The following TIMM23 variants were observed in gnomAD, a reference collection of about 807,000 sequenced individuals.
TIMM23 encodes the protein translocase of inner mitochondrial membrane 23.
TIMM23 carries 19 observed loss-of-function variants against 30.7 expected under a neutral mutation model. The ratio of observed to expected loss-of-function variants is 0.62; its 90% confidence interval spans 0.43 to 0.91. The LOEUF is 0.91. TIMM23 is among the 40% of genes least tolerant of loss of function. The pLI, the probability that TIMM23 is intolerant of heterozygous loss-of-function variation, is 0.00. For missense variants in TIMM23, 202 were observed against 269.2 expected (o/e 0.75, Z 1.75); for synonymous variants, 78 against 98.5 (o/e 0.79, Z 1.23).
At chr10:46,002,560 A>G (rs561060232) in intron 6 of TIMM23, 1 of 924,568 alleles carries the variant, frequency 1.1e-6, no homozygotes, top group East Asian at 1.2e-4. Context: ...CCTTGTTTAC[A>G]TTACAGACTT....
intron 6 of TIMM23, chr10:45,998,395 G>A: frequency 1.6e-5 from 16 of 985,188 alleles, no homozygotes; most frequent in Non-Finnish European, 1.9e-5. Context: ...AATACAGGAG[G>A]TAAAACTGAA....
intron 2 of TIMM23, among the ~76,000 whole-genome samples, chr10:45,981,236 G>T (rs1837835117): frequency 8.0e-6 from 1 of 124,952 alleles, no homozygotes; most frequent in African/African-American, 3.1e-5. Flanking sequence ...ACCGTGCCTG[G>T]CCAAGTTTTC....
rs1312489587 is a variant in TIMM23 at position 45,993,930 on chromosome 10, T to G, written c.514+5083T>G. On this transcript the variant is annotated intron_variant, in intron 6 of 6. Transcript: ENST00000580018. ...ATGAAATGAAGAAATAAATGAAATA[T>G]TGAAATGAATAATAAAATTCCGGGT... is the stretch of plus-strand genomic sequence containing the variant. 3.0e-3 allele frequency among the ~76,000 whole-genome samples: 449 copies of G among 147,890 alleles called. 2 individuals carry two copies. The highest frequency in any genetic ancestry group is 3.5e-3 in the Non-Finnish European group (236 of 66,756).
chr10:45,972,782 A>C lies in TIMM23; in HGVS notation c.106+52A>C, dbSNP rs1837533052. 7 of 1,604,156 alleles carry C rather than the reference A, an allele frequency of 4.4e-6. No homozygotes were observed. The East Asian group carries it at 6.7e-5, about 15-fold the overall frequency. On this transcript the variant is annotated intron_variant, in intron 1 of 6. Transcript: ENST00000580018. ...ATTTCTGACTGGTTTTTGCGTCTAC[A>C]CTAAGTTGCGCGTCCCATGTTTTAT...
At chr10:45,993,291 AC>A (rs1554916162) in intron 6 of TIMM23, among the ~76,000 whole-genome samples, 1 of 142,194 alleles carries the variant, frequency 7.0e-6, no homozygotes. Flanking sequence ...CGTTGGCCAG[AC>A]TGGAGTGCAA....
At chr10:45,976,154 T>G (rs1413269974) in intron 2 of TIMM23, among the ~76,000 whole-genome samples, 2 of 152,110 alleles carry the variant, frequency 1.3e-5, no homozygotes, top group African/African-American at 4.8e-5. Flanking sequence ...CTTGGGTATA[T>G]TAGAAAAGCA....
At chr10:46,003,079 A>G (rs1838600626) in intron 6 of TIMM23, 124 bp from the exon 7 acceptor site, 3 of 687,016 alleles carry the variant, frequency 4.4e-6, no homozygotes, top group Non-Finnish European at 7.4e-6. Context: ...GGCCTCCCGA[A>G]GTGCTGGGAT....
intron 6 of TIMM23, among the ~76,000 whole-genome samples, chr10:45,993,035 C>A (rs1331501919): frequency 1.3e-5 from 2 of 152,170 alleles, no homozygotes; most frequent in Non-Finnish European, 2.9e-5. Flanking sequence ...GCTGCATCAT[C>A]TGTCCATCTT....
rs868912044 is a variant in TIMM23, at chr10:45,992,998, C to T, written c.514+4151C>T. On this transcript the variant is annotated intron_variant, in intron 6 of 6. Coordinates refer to ENST00000580018, the MANE Select transcript of TIMM23 (RefSeq NM_006327.4). ...TTCTTGCCGTTACCATTTCCTAGAACAATCCTTCCAGATACCTACCTCAAA... is the reference window on the plus strand; with the variant it reads ...TTCTTGCCGTTACCATTTCCTAGAATAATCCTTCCAGATACCTACCTCAAA... Among the ~76,000 whole-genome samples the T allele has an allele frequency of 5.3e-3, 800 of 152,270 alleles. 4 individuals are homozygous for T. The highest frequency in any genetic ancestry group is 0.01 in the Middle Eastern group (3 of 294).
Position 45,982,929 on chromosome 10 carries a change from C to T in TIMM23, c.343C>T (p.Gln115Ter). 1.9e-6 allele frequency: 3 copies of T among 1,613,904 alleles called. No individual in the cohort carries two copies. Among genetic ancestry groups the T allele is most frequent in the Non-Finnish European group, 2.5e-6 (3 of 1,179,852 alleles). Residue 115 changes from glutamine to a stop codon, truncating the protein, a stop_gained and splice_region_variant, in exon 4 of 7, where the codon CAG becomes TAG. Transcript: ENST00000580018. LOFTEE classifies it high-confidence loss of function. The part of the protein sequence containing the change: ...NMAWSKPRNV[Q>*]ILNMVTRQGA... ...GGCCTGGTCCAAACCAAGAAATGTA[C>T]AGTAAGTCTCTTGTAACCATCTGAT...
chr10:45,972,532 C>A lies in TIMM23; in HGVS notation c.-93C>A, dbSNP rs1402006206. 1 of 1,491,926 alleles carries A rather than the reference C, an allele frequency of 6.7e-7. No individual in the cohort carries two copies. The allele number at this position is 1,491,926 out of a possible 1,614,324, so 92.4% of individuals were successfully genotyped here. On this transcript the variant is annotated 5_prime_UTR_variant, in exon 1 of 7. Coordinates refer to ENST00000580018, the MANE Select transcript of TIMM23 (RefSeq NM_006327.4). Reference sequence around the variant, plus strand: ...CAGCGTGTGAAGTAGGCGCTGGCAACGCGGGGTTACCCGCTGTTATTGAGG... The same window carrying A: ...CAGCGTGTGAAGTAGGCGCTGGCAAAGCGGGGTTACCCGCTGTTATTGAGG...
At chr10:45,991,957 T>A (rs1838176281) in intron 6 of TIMM23, among the ~76,000 whole-genome samples, 1 of 151,810 alleles carries the variant, frequency 6.6e-6, no homozygotes, top group African/African-American at 2.4e-5. Context: ...CTAAACTCAC[T>A]AAAATGTTTC....
At chr10:45,983,617 T>C (rs1414774557) in intron 4 of TIMM23, among the ~76,000 whole-genome samples, 2 of 152,220 alleles carry the variant, frequency 1.3e-5, no homozygotes, top group Admixed American at 6.5e-5. Context: ...ATCATGAGTA[T>C]GTATTCTTCG....
chr10:45,998,099 G>A lies in TIMM23; in HGVS notation c.515-5104G>A, dbSNP rs587748984. Among the ~76,000 whole-genome samples, 135 of 152,280 alleles carry A rather than the reference G, an allele frequency of 8.9e-4. 1 individual carries two copies. The highest frequency in any genetic ancestry group is 6.3e-3 in the Admixed American group (97 of 15,290). On this transcript the variant is annotated intron_variant, in intron 6 of 6. Coordinates refer to ENST00000580018, the MANE Select transcript of TIMM23 (RefSeq NM_006327.4). ...TGTTTATTTGCTGTGAGAAGGCTAA[G>A]AATGTGTTTTACGTTTTTTAGTTAC...
At chr10:45,996,968 C>CAAA (rs1172844294) in intron 6 of TIMM23, among the ~76,000 whole-genome samples, 2 of 112,534 alleles carry the variant, frequency 1.8e-5, no homozygotes, top group South Asian at 3.4e-4. Context: ...CTGTGTCAAA[C>CAAA]AAAAAAAAAA....
intron 2 of TIMM23, among the ~76,000 whole-genome samples, chr10:45,979,883 T>A (rs1437601370): frequency 6.6e-6 from 1 of 152,140 alleles, no homozygotes; most frequent in Non-Finnish European, 1.5e-5. Flanking sequence ...TAGCTGCATG[T>A]ATTTTGCTTT....
intron 2 of TIMM23, among the ~76,000 whole-genome samples, chr10:45,981,721 G>A (rs1265849572): frequency 6.6e-6 from 1 of 152,078 alleles, no homozygotes; most frequent in African/African-American, 2.4e-5. Flanking sequence ...TTTTGCCAAG[G>A]GTGTGACCTA....
chr10:45,973,113 C>T (rs5000943), intron 1 of TIMM23, among the ~76,000 whole-genome samples: 1 of 152,096 alleles, frequency 6.6e-6, no homozygotes, highest in Non-Finnish European at 1.5e-5. Flanking sequence ...TAGTACACAG[C>T]GACATATTCT....
chr10:45,982,010 A>G (rs1252396480), intron 2 of TIMM23, among the ~76,000 whole-genome samples: 1 of 152,206 alleles, frequency 6.6e-6, no homozygotes, highest in African/African-American at 2.4e-5. Context: ...AGAGTATCAA[A>G]GGAATATATA....
Sources: gnomAD v4.1 joint callset for allele counts (sites outside exome capture counted in the v4.1 genomes callset) on GRCh38, gnomAD v4.1.1 for gene constraint, MANE v1.5 for transcripts, NCBI Gene and HGNC (gene_info 2026-07-23, HGNC 2026-07-21) for gene names.